RALGAPA2: variants seen among roughly 807,000 people sequenced by gnomAD.
RALGAPA2 encodes the protein Ral GTPase activating protein catalytic subunit alpha 2.
RALGAPA2 carries 139 observed loss-of-function variants against 230.4 expected under a neutral mutation model. The observed-to-expected ratio is 0.60, with a 90% CI of 0.53 to 0.69. RALGAPA2 has a LOEUF of 0.69. Ranked by LOEUF, RALGAPA2 falls within the 30% of genes least tolerant of loss-of-function variation. The probability of loss-of-function intolerance (pLI) is 0.00; values close to 1 mark genes in which losing one functional copy is unlikely to be tolerated. For missense variants in RALGAPA2, 2,163 were observed against 2,276.0 expected, an observed-to-expected ratio of 0.95 and a Z score of 1.01; for synonymous variants, 847 against 837.8, an observed-to-expected ratio of 1.01 and a Z score of -0.19.
intron 38 of RALGAPA2, among the ~76,000 whole-genome samples, chr20:20,407,695 C>T (rs1221168847): frequency 6.6e-6 from 1 of 152,104 alleles, no homozygotes; most frequent in Admixed American, 6.5e-5. Context: ...AGTCTTCTGG[C>T]AAAGGTTCTG....
At chr20:20,455,212 G>A (rs2061084305) in intron 37 of RALGAPA2, among the ~76,000 whole-genome samples, 1 of 152,230 alleles carries the variant, frequency 6.6e-6, no homozygotes, top group South Asian at 2.1e-4. Flanking sequence ...ATGACTTGCT[G>A]CAGGCTGCCA....
intron 23 of RALGAPA2, among the ~76,000 whole-genome samples, chr20:20,569,849 G>T (rs1390630420): frequency 6.6e-6 from 1 of 152,070 alleles, no homozygotes; most frequent in Non-Finnish European, 1.5e-5. Flanking sequence ...ATCTATAGTT[G>T]ATTATTATTT....
At chr20:20,473,273 A>C (rs1223745023) in intron 36 of RALGAPA2, among the ~76,000 whole-genome samples, 1 of 152,220 alleles carries the variant, frequency 6.6e-6, no homozygotes, top group Admixed American at 6.5e-5. Context: ...TGAATTATGC[A>C]TGATACACAG....
intron 36 of RALGAPA2, among the ~76,000 whole-genome samples, chr20:20,474,796 T>C (rs1235488910): frequency 6.6e-6 from 1 of 152,156 alleles, no homozygotes; most frequent in African/African-American, 2.4e-5. Context: ...TATCCAGTGA[T>C]GATGTATTGG....
chr20:20,712,313 C>T lies in RALGAPA2; in HGVS notation c.106+62G>A, dbSNP rs985699937. The stretch of plus-strand genomic sequence containing the variant: ...AGCCACCGACCCCTGCACAGAGGAG[C>T]GCCCTCCCGGCAGGTGCCCCTAACC... On this transcript the variant is annotated intron_variant, in intron 1 of 39. Transcript: ENST00000202677. This position sits in a 1 kb window ranked among gnomAD's most constrained non-coding sequence, Gnocchi z 5.5. 4.0e-6 allele frequency: 6 copies of T among 1,489,544 alleles called. No individual in the cohort carries two copies. The African/African-American group carries it at 5.7e-5, about 14-fold the overall frequency. The allele number at this position is 1,489,544 out of a possible 1,614,324, so 92.3% of individuals were successfully genotyped here.
chr20:20,632,410 G>C (rs983368882), intron 9 of RALGAPA2, among the ~76,000 whole-genome samples: 1 of 152,140 alleles, frequency 6.6e-6, no homozygotes, highest in Non-Finnish European at 1.5e-5. Flanking sequence ...ACTGTGAAGA[G>C]TCAAGTAAAA....
chr20:20,615,127 G>C (rs6035662), intron 13 of RALGAPA2, among the ~76,000 whole-genome samples: 12,954 of 151,834 alleles, frequency 0.085, 807 homozygotes, highest in African/African-American at 0.17. Flanking sequence ...CTGAGCATCA[G>C]TGAAAATACC....
chr20:20,537,457 T>C (rs1442565228), intron 24 of RALGAPA2, among the ~76,000 whole-genome samples: 3 of 151,802 alleles, frequency 2.0e-5, no homozygotes, highest in Admixed American at 6.6e-5. Flanking sequence ...TCTTTTCTAC[T>C]AAGCATATAA....
At position 20,491,222 on chromosome 20, in the gene RALGAPA2, A is replaced by G. The variant is rs1045166489; in HGVS notation, c.5367+3895T>C. ...ACTTCCCCTCCTACGCTTTTCACAA[A>G]TCACTGAATCACTATCATTTTTTTC... On this transcript the variant is annotated intron_variant, in intron 36 of 39. Transcript: ENST00000202677. 7.9e-5 allele frequency among the ~76,000 whole-genome samples: 12 copies of G among 152,108 alleles called. No homozygotes were observed. The East Asian group carries it at 2.3e-3, about 29-fold the overall frequency.
rs540202785 is a variant in RALGAPA2 at position 20,457,528 on chromosome 20, G to A, written c.5495+15301C>T. Among the ~76,000 whole-genome samples, 10 of 152,278 alleles carry A rather than the reference G, an allele frequency of 6.6e-5. No individual in the cohort carries two copies. The South Asian group carries it at 1.7e-3, about 25-fold the overall frequency. On this transcript the variant is annotated intron_variant, in intron 37 of 39. Transcript: ENST00000202677. Reference sequence around the variant, plus strand: ...AAGGAGCTGAATTCGTTCATTCGGCGTGTACTCACTGAAAAAATATTTACT... The same window carrying A: ...AAGGAGCTGAATTCGTTCATTCGGCATGTACTCACTGAAAAAATATTTACT...
At chr20:20,604,863 G>A (rs2065770534) in intron 15 of RALGAPA2, among the ~76,000 whole-genome samples, 1 of 152,174 alleles carries the variant, frequency 6.6e-6, no homozygotes, top group Non-Finnish European at 1.5e-5. Context: ...AGTATCTACA[G>A]TTCACTAGGT....
At chr20:20,472,765 A>G in intron 37 of RALGAPA2, 64 bp downstream of exon 37, 2 of 1,542,442 alleles carry the variant, frequency 1.3e-6, no homozygotes, top group Non-Finnish European at 1.7e-6. Context: ...CCTCTTATGA[A>G]AAACTGCCAG....
At chr20:20,447,479 C>CA (rs1303607486) in intron 37 of RALGAPA2, among the ~76,000 whole-genome samples, 2 of 152,186 alleles carry the variant, frequency 1.3e-5, no homozygotes, top group Non-Finnish European at 2.9e-5. Context: ...TTCACAAACA[C>CA]AATCCTGAGC....
At chr20:20,607,293 TGTAATAC>T (rs1233363306) in intron 14 of RALGAPA2, among the ~76,000 whole-genome samples, 1 of 152,218 alleles carries the variant, frequency 6.6e-6, no homozygotes, top group East Asian at 1.9e-4. Context: ...GTGGTCCTTC[TGTAATAC>T]GCCTGTTCTC....
At position 20,635,404 on chromosome 20, in the gene RALGAPA2, G is replaced by A. The variant is rs2146465416; in HGVS notation, c.1005+14C>T. 3 of 1,574,192 alleles carry A rather than the reference G, an allele frequency of 1.9e-6. No individual in the cohort carries two copies. Among genetic ancestry groups the A allele is most frequent in the Non-Finnish European group, 2.6e-6 (3 of 1,156,844 alleles). ...CACAAGCATTAACAGATAAAAAGAT[G>A]ATGGATGGCATACCTGGATGATTTT... On this transcript the variant is annotated intron_variant, in intron 9 of 39. Transcript: ENST00000202677.
intron 4 of RALGAPA2, among the ~76,000 whole-genome samples, chr20:20,644,119 C>G (rs1351724359): frequency 6.6e-6 from 1 of 152,134 alleles, no homozygotes; most frequent in Non-Finnish European, 1.5e-5. Context: ...GAGGATAGAA[C>G]ACTATTACTA....
intron 1 of RALGAPA2, among the ~76,000 whole-genome samples, chr20:20,706,217 T>C (rs989217027): frequency 6.6e-6 from 1 of 152,224 alleles, no homozygotes; most frequent in Admixed American, 6.5e-5. Flanking sequence ...ACATTTACCC[T>C]GTGTTCACTT....
At chr20:20,552,992 C>A (rs981863859) in intron 23 of RALGAPA2, among the ~76,000 whole-genome samples, 5 of 152,152 alleles carry the variant, frequency 3.3e-5, no homozygotes, top group African/African-American at 1.2e-4. Flanking sequence ...CAGCAGAGCA[C>A]GGCGCCAATA....
rs2067484749 is a variant in RALGAPA2, at chr20:20,653,573, A to G, written c.285T>C (p.Phe95=). ...ILFLFEKILQ[F]LPERIFFRWH... is the part of the protein sequence containing the mutation. ...ATCGAAAGAAAATTCGTTCAGGTAGAAACTGCAGTATTTTCTATTAAAAAA... is the reference window on the plus strand; with the variant it reads ...ATCGAAAGAAAATTCGTTCAGGTAGGAACTGCAGTATTTTCTATTAAAAAA... Residue 95 remains phenylalanine, a synonymous_variant, in exon 4 of 40, where the codon TTT becomes TTC. Transcript: ENST00000202677. The G allele has an allele frequency of 1.3e-6, 2 of 1,493,244 alleles. No homozygotes were observed. The highest frequency in any genetic ancestry group is 1.8e-6 in the Non-Finnish European group (2 of 1,098,282). 92.5% of individuals were successfully genotyped at this position (1,493,244 alleles called of 1,614,324 possible).
Sources: gnomAD v4.1 joint callset for allele counts (sites outside exome capture counted in the v4.1 genomes callset) on GRCh38, gnomAD v4.1.1 for gene constraint, Gnocchi (gnomAD v3.1) non-coding constraint, MANE v1.5 for transcripts, NCBI Gene and HGNC (gene_info 2026-07-23, HGNC 2026-07-21) for gene names.